ATE1: variants seen among roughly 807,000 people sequenced by gnomAD.
ATE1 encodes the protein arginyl-tRNA--protein transferase 1.
Under a neutral mutation model 70.5 loss-of-function variants are expected in ATE1, and 36 were observed. That is an observed-to-expected ratio of 0.51 (90% CI 0.39 to 0.67). The LOEUF (loss-of-function observed/expected upper bound fraction) is 0.67, where lower values mean the gene tolerates loss of function less well. Among genes scored for constraint, ATE1 ranks in the 30% least tolerant of loss-of-function variants. ATE1 has a pLI of 0.00. For missense variants in ATE1, 593 were observed against 629.5 expected (o/e 0.94, Z 0.62); for synonymous variants, 232 against 219.3 (o/e 1.06, Z -0.51).
chr10:121,842,857 T>C (rs1435460754), intron 8 of ATE1, among the ~76,000 whole-genome samples: 1 of 152,146 alleles, frequency 6.6e-6, no homozygotes, highest in African/African-American at 2.4e-5. Context: ...GTTTTCTCAA[T>C]TAGCTAAATA....
chr10:121,753,136 A>C (rs11200130), intron 11 of ATE1, among the ~76,000 whole-genome samples: 1 of 152,186 alleles, frequency 6.6e-6, no homozygotes, highest in East Asian at 1.9e-4. Flanking sequence ...TCATTTTTAA[A>C]TTGCTCACTG....
chr10:121,923,673 T>A (rs929707247), intron 2 of ATE1, among the ~76,000 whole-genome samples: 1 of 152,160 alleles, frequency 6.6e-6, no homozygotes, highest in African/African-American at 2.4e-5. Flanking sequence ...GAACTTTACC[T>A]AAGAGTTACT....
In ATE1 at chr10:121,873,324, C is replaced by T. The variant is rs540703006; in HGVS notation, c.943-3286G>A. 2.6e-5 allele frequency among the ~76,000 whole-genome samples: 4 copies of T among 152,234 alleles called. No homozygotes were observed. The East Asian group carries it at 7.7e-4, about 29-fold the overall frequency. ...GCATCAGTACCATTTTCAAAATCCT[C>T]TAGGCCTCTAAAAAGAAAAAGGATA... On this transcript the variant is annotated intron_variant, in intron 7 of 11. Coordinates refer to ENST00000224652, the MANE Select transcript of ATE1 (RefSeq NM_001001976.3).
intron 11 of ATE1, among the ~76,000 whole-genome samples, chr10:121,765,200 G>T (rs1945225406): frequency 6.6e-6 from 1 of 152,212 alleles, no homozygotes; most frequent in Admixed American, 6.5e-5. Flanking sequence ...AAGATGCAGA[G>T]TCCCCCAGGT....
Position 121,883,070 on chromosome 10 carries a change from C to T in ATE1, c.943-13032G>A, listed in dbSNP as rs142519454. Among the ~76,000 whole-genome samples, 8 of 152,282 alleles carry T rather than the reference C, an allele frequency of 5.3e-5. No homozygotes were observed. In the East Asian group the frequency reaches 9.6e-4, roughly 18 times the overall value. On this transcript the variant is annotated intron_variant, in intron 7 of 11. Coordinates refer to ENST00000224652, the MANE Select transcript of ATE1 (RefSeq NM_001001976.3). ...ACTTACAGAAGAGTCCTGCAAGCTCCTTTTCCCACTTTCCTCTTGACTGTA... is the reference window on the plus strand; with the variant it reads ...ACTTACAGAAGAGTCCTGCAAGCTCTTTTTCCCACTTTCCTCTTGACTGTA...
intron 10 of ATE1, among the ~76,000 whole-genome samples, chr10:121,826,649 T>C (rs554116717): frequency 7.9e-5 from 12 of 152,176 alleles, no homozygotes; most frequent in Non-Finnish European, 1.6e-4. Context: ...AGAGGGTACA[T>C]GTGCAGGTTT....
At chr10:121,923,896 T>C (rs1208245843) in intron 2 of ATE1, among the ~76,000 whole-genome samples, 1 of 152,164 alleles carries the variant, frequency 6.6e-6, no homozygotes, top group Non-Finnish European at 1.5e-5. Flanking sequence ...AAAAGACCTC[T>C]CTCTTAGAGA....
chr10:121,863,962 A>G (rs116121181), intron 8 of ATE1, among the ~76,000 whole-genome samples: 2,427 of 152,258 alleles, frequency 0.016, 60 homozygotes, highest in African/African-American at 0.056. Context: ...CTTTTAACCT[A>G]TCCATGTCTC....
intron 11 of ATE1, among the ~76,000 whole-genome samples, chr10:121,749,016 C>T (rs1218920490): frequency 3.9e-5 from 6 of 152,102 alleles, no homozygotes; most frequent in Non-Finnish European, 4.4e-5. Flanking sequence ...TACTAAAATA[C>T]GACTTAATTT....
At chr10:121,864,483 T>A (rs1028548455) in intron 8 of ATE1, among the ~76,000 whole-genome samples, 6 of 152,350 alleles carry the variant, frequency 3.9e-5, no homozygotes, top group African/African-American at 7.2e-5. Context: ...GGTCCCAGTC[T>A]GGGAACTGGG....
In ATE1 at chr10:121,835,150, A is replaced by G. The variant is rs149060653; in HGVS notation, c.1257+1568T>C. 4.2e-3 allele frequency among the ~76,000 whole-genome samples: 635 copies of G among 152,294 alleles called. 3 individuals are homozygous for G. Among genetic ancestry groups the G allele is most frequent in the African/African-American group, 0.015 (609 of 41,560 alleles). ...TATGTTAAGGCCCATCAAGTGAATT[A>G]GTAATTCAGGCATAAAGGAAGTTTT... On this transcript the variant is annotated intron_variant, in intron 10 of 11. Coordinates refer to ENST00000224652, the MANE Select transcript of ATE1 (RefSeq NM_001001976.3).
At chr10:121,802,472 C>T (rs988709851) in intron 10 of ATE1, among the ~76,000 whole-genome samples, 1 of 152,002 alleles carries the variant, frequency 6.6e-6, no homozygotes, top group Non-Finnish European at 1.5e-5. Flanking sequence ...CCACGTCTGG[C>T]TAATTTTTAT....
chr10:121,844,514 T>C (rs571262573), intron 8 of ATE1, among the ~76,000 whole-genome samples: 4 of 152,288 alleles, frequency 2.6e-5, no homozygotes, highest in African/African-American at 9.6e-5. Flanking sequence ...ATGGTATAGA[T>C]GATTTAGGAG....
At chr10:121,899,078 C>T in intron 7 of ATE1, 2 of 1,316,702 alleles carry the variant, frequency 1.5e-6, no homozygotes, top group Non-Finnish European at 1.0e-6. Context: ...AAAGCTCGAA[C>T]TCGAATTTGT....
intron 8 of ATE1, among the ~76,000 whole-genome samples, chr10:121,859,466 C>T (rs1398376582): frequency 2.0e-5 from 3 of 151,840 alleles, no homozygotes; most frequent in Non-Finnish European, 2.9e-5. Context: ...CCGTTTTAGC[C>T]GGGATGGTCT....
intron 4 of ATE1, 55 bp from the exon 5 acceptor site, chr10:121,911,206 G>A: frequency 6.4e-7 from 1 of 1,569,458 alleles, no homozygotes; most frequent in Non-Finnish European, 8.6e-7. Flanking sequence ...ATACAGTTAG[G>A]TAAATACAGA....
intron 8 of ATE1, among the ~76,000 whole-genome samples, chr10:121,847,671 T>C (rs1948883469): frequency 7.0e-6 from 1 of 143,252 alleles, no homozygotes; most frequent in Non-Finnish European, 1.5e-5. Context: ...GGGAGGACAG[T>C]TGCTTGAACC....
chr10:121,771,946 C>T (rs1945536213), intron 11 of ATE1, among the ~76,000 whole-genome samples: 1 of 152,190 alleles, frequency 6.6e-6, no homozygotes, highest in African/African-American at 2.4e-5. Flanking sequence ...TTTACTGTAA[C>T]CATTTAAAAG....
chr10:121,746,484 T>C (rs983079005), intron 11 of ATE1, among the ~76,000 whole-genome samples: 10 of 152,262 alleles, frequency 6.6e-5, no homozygotes, highest in African/African-American at 2.4e-4. Flanking sequence ...TTAAGCATTT[T>C]ATTTTTCTAA....
Sources: gnomAD v4.1 joint callset for allele counts (sites outside exome capture counted in the v4.1 genomes callset) on GRCh38, gnomAD v4.1.1 for gene constraint, MANE v1.5 for transcripts, NCBI Gene and HGNC (gene_info 2026-07-23, HGNC 2026-07-21) for gene names.